CNTNAP2: variants seen among roughly 807,000 people sequenced by gnomAD.
CNTNAP2 encodes contactin associated protein 2, also known as contactin-associated protein-like 2.
A neutral mutation model predicts 155.2 loss-of-function variants in CNTNAP2; 98 were observed. The observed-to-expected ratio is 0.63, with a 90% CI of 0.54 to 0.75. The LOEUF (loss-of-function observed/expected upper bound fraction) is 0.75. Ranked by LOEUF, CNTNAP2 falls within the 30% of genes least tolerant of loss-of-function variation. CNTNAP2 has a pLI of 0.00. For missense variants in CNTNAP2, 1,727 were observed against 1,688.1 expected, an observed-to-expected ratio of 1.02 and a Z score of -0.40; for synonymous variants, 651 against 631.2, an observed-to-expected ratio of 1.03 and a Z score of -0.47.
intron 8 of CNTNAP2, among the ~76,000 whole-genome samples, chr7:147,143,403 T>G (rs1801639489): frequency 6.6e-6 from 1 of 152,224 alleles, no homozygotes; most frequent in African/African-American, 2.4e-5. Flanking sequence ...TGTTTACATT[T>G]GTTTGACATG....
intron 12 of CNTNAP2, among the ~76,000 whole-genome samples, chr7:147,600,062 G>A (rs1474380231): frequency 6.6e-6 from 1 of 152,112 alleles, no homozygotes; most frequent in East Asian, 1.9e-4. Flanking sequence ...ATGACAAATG[G>A]TTGTCAAGTA....
intron 22 of CNTNAP2, among the ~76,000 whole-genome samples, chr7:148,388,234 G>A (rs190391457): frequency 9.2e-5 from 14 of 151,766 alleles, no homozygotes; most frequent in Non-Finnish European, 1.5e-4. Context: ...ATGCTGGTAC[G>A]CTGCACCCAC....
chr7:146,970,980 A>C (rs894133581), intron 3 of CNTNAP2, among the ~76,000 whole-genome samples: 1 of 152,198 alleles, frequency 6.6e-6, no homozygotes, highest in Non-Finnish European at 1.5e-5. Context: ...CAAACACTGC[A>C]TATTCTCACT....
chr7:146,811,997 AC>A (rs1803074708), intron 2 of CNTNAP2, among the ~76,000 whole-genome samples: 1 of 152,092 alleles, frequency 6.6e-6, no homozygotes, highest in African/African-American at 2.4e-5. Flanking sequence ...TTTATAAATC[AC>A]CCAGTCTCAG....
In CNTNAP2 at chr7:147,107,128, G is replaced by T. The variant is rs1305212038; in HGVS notation, c.551-1019G>T. The stretch of plus-strand genomic sequence containing the variant: ...GCTTACAGAAATAGTCTATTGAAAA[G>T]ATTTTTAACAGTGAAGATTTGATCA... On this transcript the variant is annotated intron_variant, in intron 4 of 23. Coordinates refer to ENST00000361727, the MANE Select transcript of CNTNAP2 (RefSeq NM_014141.6). Among the ~76,000 whole-genome samples the T allele has an allele frequency of 7.2e-5, 11 of 152,084 alleles. No homozygotes were observed. In the East Asian group the frequency reaches 7.7e-4, roughly 11 times the overall value.
chr7:147,743,910 C>G (rs1263026479), intron 13 of CNTNAP2, among the ~76,000 whole-genome samples: 5 of 152,134 alleles, frequency 3.3e-5, no homozygotes, highest in African/African-American at 1.2e-4. Flanking sequence ...GGAGCCCCAC[C>G]CTTCTAGTTT....
intron 14 of CNTNAP2, among the ~76,000 whole-genome samples, chr7:147,928,917 C>T (rs1563138498): frequency 6.6e-6 from 1 of 151,544 alleles, no homozygotes; most frequent in South Asian, 2.1e-4. Context: ...ATGGAGAAAC[C>T]CCGTCTCTAC....
intron 3 of CNTNAP2, among the ~76,000 whole-genome samples, chr7:147,002,209 G>T (rs1443597741): frequency 6.6e-6 from 1 of 151,896 alleles, no homozygotes; most frequent in African/African-American, 2.4e-5. Context: ...AATAAAAAGA[G>T]AATGTCCAGC....
intron 3 of CNTNAP2, among the ~76,000 whole-genome samples, chr7:147,014,498 ATTAT>A (rs1211156863): frequency 2.0e-5 from 3 of 152,170 alleles, no homozygotes; most frequent in Non-Finnish European, 4.4e-5. Context: ...AAAGTAAATA[ATTAT>A]TTATTTAATT....
intron 12 of CNTNAP2, among the ~76,000 whole-genome samples, chr7:147,575,371 G>A (rs1378391875): frequency 1.0e-5 from 1 of 95,882 alleles, no homozygotes; most frequent in African/African-American, 3.6e-5. Context: ...TAGCTTTAGG[G>A]GTGTGTGTGT....
At chr7:147,197,561 G>A (rs928194457) in intron 8 of CNTNAP2, among the ~76,000 whole-genome samples, 2 of 152,082 alleles carry the variant, frequency 1.3e-5, no homozygotes, top group Non-Finnish European at 2.9e-5. Context: ...AAAAGGGGAA[G>A]CAATAGGCAA....
At chr7:146,896,407 T>C (rs983509120) in intron 3 of CNTNAP2, among the ~76,000 whole-genome samples, 1 of 152,040 alleles carries the variant, frequency 6.6e-6, no homozygotes, top group African/African-American at 2.4e-5. Flanking sequence ...CAACCACGTG[T>C]ACATTTTTTT....
intron 20 of CNTNAP2, among the ~76,000 whole-genome samples, chr7:148,250,554 C>T (rs1346567493): frequency 6.6e-6 from 1 of 152,200 alleles, no homozygotes; most frequent in Non-Finnish European, 1.5e-5. Context: ...CCTTTCTTCC[C>T]ACCCAGCCAG....
intron 1 of CNTNAP2, among the ~76,000 whole-genome samples, chr7:146,375,867 A>T (rs532257530): frequency 8.5e-4 from 129 of 152,218 alleles, no homozygotes; most frequent in Admixed American, 1.5e-3. Context: ...ATTCCCTTAA[A>T]CTATCCCTTC....
At chr7:146,693,009 A>G (rs1450155513) in intron 1 of CNTNAP2, among the ~76,000 whole-genome samples, 2 of 152,086 alleles carry the variant, frequency 1.3e-5, no homozygotes, top group Non-Finnish European at 2.9e-5. Context: ...ACTGGACTTG[A>G]GATGAAGGAA....
intron 1 of CNTNAP2, among the ~76,000 whole-genome samples, chr7:146,766,903 G>A (rs893839120): frequency 2.0e-5 from 3 of 151,978 alleles, no homozygotes; most frequent in African/African-American, 7.3e-5. Context: ...AAATAAAAGA[G>A]TAAATTAGGT....
chr7:146,164,496 C>T (rs537860171), intron 1 of CNTNAP2, among the ~76,000 whole-genome samples: 4 of 152,146 alleles, frequency 2.6e-5, no homozygotes, highest in South Asian at 2.1e-4. Flanking sequence ...TATTTTGTTA[C>T]GTTGTTGCAG....
intron 1 of CNTNAP2, among the ~76,000 whole-genome samples, chr7:146,387,168 A>C (rs1795473012): frequency 6.6e-6 from 1 of 152,192 alleles, no homozygotes; most frequent in African/African-American, 2.4e-5. Context: ...AGAAGTGAAT[A>C]ATGCCCATGT....
rs113933476 is a variant in CNTNAP2 at position 146,413,291 on chromosome 7, T to A, written c.97+296318T>A. Among the ~76,000 whole-genome samples the A allele has an allele frequency of 3.0e-3, 454 of 152,244 alleles. 1 individual carries two copies. Among genetic ancestry groups the A allele is most frequent in the African/African-American group, 0.01 (419 of 41,544 alleles). ...CGTGAGGGCCACTTTCTCAATCCTG[T>A]TTGGATCTTATTTCACGGCTTCAGG... On this transcript the variant is annotated intron_variant, in intron 1 of 23. Transcript: ENST00000361727.
Sources: allele counts gnomAD v4.1 joint callset (sites outside exome capture counted in the v4.1 genomes callset), GRCh38; gene constraint gnomAD v4.1.1; transcripts MANE v1.5; gene names NCBI Gene and HGNC (gene_info 2026-07-23, HGNC 2026-07-21).